SPTBN4: variants seen among roughly 807,000 people sequenced by gnomAD.
The protein encoded by SPTBN4 is spectrin beta chain, non-erythrocytic 4.
A neutral mutation model predicts 277.8 loss-of-function variants in SPTBN4; 96 were observed. The observed-to-expected ratio is 0.35, with a 90% confidence interval of 0.29 to 0.41. The LOEUF is 0.41. Ranked by LOEUF, SPTBN4 falls within the 10% of genes least tolerant of loss-of-function variation. The pLI, the probability that SPTBN4 is intolerant of heterozygous loss-of-function variation, is 1.00. For synonymous variants in SPTBN4, 1,481 were observed against 1,580.3 expected (o/e 0.94, Z 1.49); for missense variants, 3,006 against 3,595.7 (o/e 0.84, Z 4.19).
chr19:40,503,371 G>A (rs1017399222), intron 11 of SPTBN4, among the ~76,000 whole-genome samples: 14 of 152,142 alleles, frequency 9.2e-5, no homozygotes, highest in African/African-American at 3.4e-4. Flanking sequence ...TGTAACAGGA[G>A]GGTGGGACTT....
Position 40,515,421 on chromosome 19 carries a change from G to A in SPTBN4, c.2876G>A (p.Arg959His), listed in dbSNP as rs775677660. The A allele has an allele frequency of 1.3e-6, 2 of 1,573,496 alleles. No homozygotes were observed. The highest frequency in any genetic ancestry group is 1.7e-6 in the Non-Finnish European group (2 of 1,159,010). ...GGCCACCCCAGTTCAGATGAGGTGC[G>A]TTCCTGCCAGGACCACCTCAACAGC... ...EGGHPSSDEV[R>H]SCQDHLNSRW... Residue 959 changes from arginine to histidine, a missense_variant, in exon 15 of 36, where the codon CGT becomes CAT. Physicochemically the swap from Arg to His is conservative, Grantham distance 29. Transcript: ENST00000598249. This position sits in a 1 kb window ranked among gnomAD's most constrained non-coding sequence, Gnocchi z 4.1.
intron 22 of SPTBN4, among the ~76,000 whole-genome samples, chr19:40,551,564 T>C (rs947040066): frequency 6.6e-6 from 1 of 152,222 alleles, no homozygotes; most frequent in Non-Finnish European, 1.5e-5. Flanking sequence ...TGTTCATTCC[T>C]CTGGGGCTCA....
intron 25 of SPTBN4, 22 bp downstream of exon 25, chr19:40,556,310 T>C (rs1262508486): frequency 6.3e-7 from 1 of 1,598,086 alleles, no homozygotes; most frequent in East Asian, 2.2e-5. Flanking sequence ...TAGTAATAAG[T>C]GATACCAGGA....
At position 40,560,598 on chromosome 19, in the gene SPTBN4, G is replaced by C; in HGVS notation, c.5915+195G>C. The C allele has an allele frequency of 6.9e-7, 1 of 1,450,316 alleles. No individual in the cohort carries two copies. The allele number at this position is 1,450,316 out of a possible 1,614,324, so 89.8% of individuals were successfully genotyped here. On this transcript the variant is annotated intron_variant, in intron 27 of 35. Coordinates refer to ENST00000598249, the MANE Select transcript of SPTBN4 (RefSeq NM_020971.3). This position sits in a 1 kb window ranked among gnomAD's most constrained non-coding sequence, Gnocchi z 5.2. ...TTTTAGGCCTGTCATTGGGGACTTC[G>C]GTCATGGGGCATCCTTCTGTCCGCT...
intron 29 of SPTBN4, 143 bp from the exon 30 acceptor site, chr19:40,566,020 C>T (rs1338530709): frequency 2.3e-5 from 20 of 866,368 alleles, no homozygotes; most frequent in Admixed American, 3.0e-5. Context: ...ATAGCCCCAG[C>T]CTCTGCCATT....
At chr19:40,540,783 C>T (rs2080791213) in intron 20 of SPTBN4, among the ~76,000 whole-genome samples, 1 of 123,498 alleles carries the variant, frequency 8.1e-6, no homozygotes, top group Non-Finnish European at 1.6e-5. Flanking sequence ...CACTGCACTC[C>T]AATCTGGTCG....
chr19:40,567,773 G>T lies in SPTBN4; in HGVS notation c.6447G>T (p.Arg2149=). 6.5e-7 allele frequency: 1 copy of T among 1,530,860 alleles called. No individual in the cohort carries two copies. Among genetic ancestry groups the T allele is most frequent in the Non-Finnish European group, 8.8e-7 (1 of 1,138,786 alleles). 94.8% of individuals were successfully genotyped at this position (1,530,860 alleles called of 1,614,324 possible). A position where few individuals can be genotyped will look rare whatever the true frequency, so the allele number is the denominator to read the frequency against. ...CGGCCAAGGCGGCGCCCCTGCTGCGGCCAGGGGGCTATGAAAGGGGCTTGG... is the reference window on the plus strand; with the variant it reads ...CGGCCAAGGCGGCGCCCCTGCTGCGTCCAGGGGGCTATGAAAGGGGCTTGG... The part of the protein sequence containing the change: ...ELAAKAAPLL[R]PGGYERGLEP... Residue 2149 remains arginine, a synonymous_variant, in exon 31 of 36, where the codon CGG becomes CGT. Coordinates refer to ENST00000598249, the MANE Select transcript of SPTBN4 (RefSeq NM_020971.3).
intron 33 of SPTBN4, chr19:40,571,201 G>A (rs183561471): frequency 6.3e-6 from 1 of 157,542 alleles, no homozygotes; most frequent in African/African-American, 2.4e-5. Context: ...TTGTCGTGGA[G>A]CTTGGAGAGG....
At chr19:40,541,735 C>T (rs1053916788) in intron 20 of SPTBN4, among the ~76,000 whole-genome samples, 4 of 152,028 alleles carry the variant, frequency 2.6e-5, no homozygotes, top group Admixed American at 2.6e-4. Context: ...CTCTCTCACT[C>T]CCTTCTCTCT....
At chr19:40,529,209 TG>T in intron 18 of SPTBN4, 78 bp downstream of exon 18, 1 of 1,113,968 alleles carries the variant, frequency 9.0e-7, no homozygotes. Context: ...GAGGTGGGGG[TG>T]GGGACGCCCC....
intron 1 of SPTBN4, among the ~76,000 whole-genome samples, chr19:40,467,623 CG>C (rs562140429): frequency 0.2 from 21,327 of 104,672 alleles, 972 homozygotes; most frequent in South Asian, 0.31. Flanking sequence ...CCAGCCTTTG[CG>C]GGGGGGGGGG....
At chr19:40,574,123 A>C (rs1166907479) in intron 35 of SPTBN4, among the ~76,000 whole-genome samples, 1 of 150,864 alleles carries the variant, frequency 6.6e-6, no homozygotes, top group Non-Finnish European at 1.5e-5. Flanking sequence ...AACAAACAAA[A>C]CAAAACAAAA....
Position 40,530,642 on chromosome 19 carries a change from C to T in SPTBN4, c.3948+1511C>T, listed in dbSNP as rs574968918. The T allele has an allele frequency of 1.8e-5, 17 of 924,934 alleles. No individual in the cohort carries two copies. In the African/African-American group the frequency reaches 3.1e-4, roughly 17 times the overall value. The allele number at this position is 924,934 out of a possible 1,614,324, so 57.3% of individuals were successfully genotyped here. The stretch of plus-strand genomic sequence containing the variant: ...TTGGCGCGCACCCCGCGGACGCAGA[C>T]AGGGGAGGGGGCTCGGGCGCGTGCC... On this transcript the variant is annotated intron_variant, in intron 18 of 35. Transcript: ENST00000598249.
At chr19:40,520,589 G>A (rs538741971) in intron 16 of SPTBN4, among the ~76,000 whole-genome samples, 2 of 152,290 alleles carry the variant, frequency 1.3e-5, no homozygotes, top group South Asian at 4.1e-4. Flanking sequence ...ACAGGCTGAG[G>A]GGTTATTGGA....
chr19:40,527,485 G>A (rs903544120), intron 17 of SPTBN4, among the ~76,000 whole-genome samples: 1 of 152,224 alleles, frequency 6.6e-6, no homozygotes, highest in Non-Finnish European at 1.5e-5. Context: ...CATATAGCAC[G>A]TGTTAGATTG....
intron 2 of SPTBN4, among the ~76,000 whole-genome samples, chr19:40,484,989 ACC>A (rs1288241734): frequency 6.6e-6 from 1 of 151,830 alleles, no homozygotes; most frequent in Non-Finnish European, 1.5e-5. Flanking sequence ...CTTTATTGGC[ACC>A]CACCACCATG....
Position 40,560,231 on chromosome 19 carries a change from A to C in SPTBN4, c.5743A>C (p.Ser1915Arg), listed in dbSNP as rs1290107441. The change falls in exon 27 of 36, where the codon AGC (serine) becomes CGC (arginine). Residue 1915 changes from serine (S) to arginine (R), a missense_variant. Ser to Arg is a moderately radical substitution (Grantham distance 110). Around this residue, in one of 5 missense-constraint regions of SPTBN4, gnomAD observed 425 missense variants for 594.7 expected, o/e 0.71. Transcript: ENST00000598249. This position sits in a 1 kb window ranked among gnomAD's most constrained non-coding sequence, Gnocchi z 5.2. The stretch of plus-strand genomic sequence containing the variant: ...GGGTGAACATGCCGAGGCCATCGCT[A>C]GCCGGGAGCAGGAGGTGCTGCAGGG... The part of the protein sequence containing the change: ...YAGEHAEAIA[S>R]REQEVLQGWK... 2 of 1,611,542 alleles carry C rather than the reference A, an allele frequency of 1.2e-6. No individual in the cohort carries two copies. Among genetic ancestry groups the C allele is most frequent in the Admixed American group, 3.3e-5 (2 of 60,028 alleles).
chr19:40,494,550 GTATCTATC>G (rs144378904), intron 5 of SPTBN4, among the ~76,000 whole-genome samples: 4 of 150,970 alleles, frequency 2.6e-5, no homozygotes, highest in South Asian at 4.2e-4. Context: ...ATGTATGTAT[GTATCTATC>G]TATCTATCTT....
In SPTBN4 at chr19:40,532,762, G is replaced by A; in HGVS notation, c.4086G>A (p.Lys1362=). 6.2e-7 allele frequency: 1 copy of A among 1,611,226 alleles called. No individual in the cohort carries two copies. Among genetic ancestry groups the A allele is most frequent in the Non-Finnish European group, 8.5e-7 (1 of 1,178,388 alleles). The change falls in exon 19 of 36, where the codon AAG becomes AAA. Residue 1362 remains lysine, a synonymous_variant. Coordinates refer to ENST00000598249, the MANE Select transcript of SPTBN4 (RefSeq NM_020971.3). Reference sequence around the variant, plus strand: ...CTCAGAATAAGGAGTGGCTGGAGAAGATCGAGCGGGTGAGGAAGCTGATGG... The same window carrying A: ...CTCAGAATAAGGAGTGGCTGGAGAAAATCGAGCGGGTGAGGAAGCTGATGG... The part of the protein sequence containing the change: ...ELAQNKEWLE[K]IEREGQQLMQ...
Sources: allele counts gnomAD v4.1 joint callset (sites outside exome capture counted in the v4.1 genomes callset), GRCh38; gene constraint gnomAD v4.1.1; regional missense constraint gnomAD v4.1.1; non-coding constraint Gnocchi (gnomAD v3.1); transcripts MANE v1.5; gene names NCBI Gene and HGNC (gene_info 2026-07-23, HGNC 2026-07-21).